FAM135B: variants seen among roughly 807,000 people sequenced by gnomAD.
FAM135B encodes the protein protein FAM135B.
FAM135B carries 43 observed loss-of-function variants against 127.7 expected under a neutral mutation model. The observed-to-expected ratio is 0.34, with a 90% CI of 0.26 to 0.43. The LOEUF is 0.43. Ranked by LOEUF, FAM135B falls within the 20% of genes least tolerant of loss-of-function variation. FAM135B has a pLI of 1.00. For synonymous variants in FAM135B, 670 were observed against 665.1 expected (o/e 1.01, Z -0.11); for missense variants, 1,558 against 1,725.6 (o/e 0.90, Z 1.72).
At chr8:138,485,849 C>T (rs1453870276) in intron 1 of FAM135B, among the ~76,000 whole-genome samples, 1 of 152,012 alleles carries the variant, frequency 6.6e-6, no homozygotes, top group Non-Finnish European at 1.5e-5. Context: ...AGCTAAGAGA[C>T]GAGGCCATGT....
rs529111849 is a variant in FAM135B at position 138,273,162 on chromosome 8, A to G, written c.158-7320T>C. 2.0e-5 allele frequency among the ~76,000 whole-genome samples: 3 copies of G among 152,352 alleles called. No individual in the cohort carries two copies. The South Asian group carries it at 6.2e-4, about 32-fold the overall frequency. ...CCAGCATAGAATTTTACCAGATATT[A>G]GTAGAAGTCTCAGTGGAAGTGAGGA... On this transcript the variant is annotated intron_variant, in intron 3 of 19. Transcript: ENST00000395297.
At chr8:138,154,416 C>T (rs973034630) in intron 12 of FAM135B, among the ~76,000 whole-genome samples, 1 of 152,126 alleles carries the variant, frequency 6.6e-6, no homozygotes, top group African/African-American at 2.4e-5. Flanking sequence ...TCACCAGCAA[C>T]AGAACAAAGT....
intron 1 of FAM135B, among the ~76,000 whole-genome samples, chr8:138,383,428 T>C (rs1831990185): frequency 6.6e-6 from 1 of 152,252 alleles, no homozygotes; most frequent in African/African-American, 2.4e-5. Flanking sequence ...AGGGAATAGA[T>C]GCATGATAGC....
chr8:138,487,491 C>A (rs1446999749), intron 1 of FAM135B, among the ~76,000 whole-genome samples: 1 of 152,068 alleles, frequency 6.6e-6, no homozygotes, highest in Non-Finnish European at 1.5e-5. Flanking sequence ...GGGTGCTGTA[C>A]TTACATCTGA....
At chr8:138,218,508 T>A (rs1818746039) in intron 7 of FAM135B, among the ~76,000 whole-genome samples, 1 of 152,154 alleles carries the variant, frequency 6.6e-6, no homozygotes, top group Admixed American at 6.5e-5. Context: ...TTAGAAAAGA[T>A]TCCTGGCGTC....
intron 1 of FAM135B, chr8:138,438,353 A>G (rs1208944150): frequency 1.3e-5 from 2 of 152,112 alleles, no homozygotes; most frequent in African/African-American, 2.4e-5. Flanking sequence ...AGCAAAAATA[A>G]TGTGGGGCAG....
chr8:138,204,448 T>C (rs1056984548), intron 7 of FAM135B, among the ~76,000 whole-genome samples: 12 of 152,294 alleles, frequency 7.9e-5, no homozygotes, highest in African/African-American at 2.2e-4. Context: ...AGGTTGTCTT[T>C]GAAACTGAAA....
chr8:138,432,193 T>C (rs547410451), intron 1 of FAM135B, among the ~76,000 whole-genome samples: 36 of 152,256 alleles, frequency 2.4e-4, no homozygotes, highest in African/African-American at 7.9e-4. Context: ...ATGAAAGTGA[T>C]TGTAGTCAGC....
At chr8:138,329,040 A>G (rs1335525122) in intron 2 of FAM135B, among the ~76,000 whole-genome samples, 1 of 152,244 alleles carries the variant, frequency 6.6e-6, no homozygotes, top group Admixed American at 6.5e-5. Context: ...CGGTTTATGC[A>G]TGGGCTACAA....
At chr8:138,313,705 G>A (rs1373836171) in intron 2 of FAM135B, among the ~76,000 whole-genome samples, 1 of 18,710 alleles carries the variant, frequency 5.3e-5, no homozygotes, top group Non-Finnish European at 3.4e-4. Context: ...ACACTTTTGT[G>A]CTATGAAAGA....
chr8:138,478,740 T>C (rs1290728820), intron 1 of FAM135B, among the ~76,000 whole-genome samples: 2 of 152,220 alleles, frequency 1.3e-5, no homozygotes, highest in African/African-American at 4.8e-5. Flanking sequence ...GCCTTGCCCT[T>C]GGGTGAGTGT....
At position 138,207,309 on chromosome 8, in the gene FAM135B, C is replaced by G. The variant is rs192785230; in HGVS notation, c.670-9640G>C. On this transcript the variant is annotated intron_variant, in intron 7 of 19. Coordinates refer to ENST00000395297, the MANE Select transcript of FAM135B (RefSeq NM_015912.4). ...TTCAGCCCACTGCAACCTCTGCCTC[C>G]TGGGTTCAAGTGTCCCAGCCTCCCA... Among the ~76,000 whole-genome samples, 844 of 151,362 alleles carry G rather than the reference C, an allele frequency of 5.6e-3. 4 individuals are homozygous for G. Among genetic ancestry groups the G allele is most frequent in the Middle Eastern group, 0.024 (7 of 294 alleles).
chr8:138,238,873 T>G (rs1380878156), intron 7 of FAM135B, among the ~76,000 whole-genome samples: 1 of 152,062 alleles, frequency 6.6e-6, no homozygotes, highest in East Asian at 1.9e-4. Flanking sequence ...AAATGGAAAA[T>G]GCACAGGAAA....
chr8:138,310,803 A>G, intron 3 of FAM135B, 38 bp downstream of exon 3: 1 of 1,593,122 alleles, frequency 6.3e-7, no homozygotes. Flanking sequence ...GAGGTTCGCC[A>G]TTGGGGGCAA....
intron 3 of FAM135B, among the ~76,000 whole-genome samples, chr8:138,275,016 T>C (rs1419585253): frequency 6.6e-6 from 1 of 152,114 alleles, no homozygotes; most frequent in East Asian, 1.9e-4. Flanking sequence ...GAGATTAAAG[T>C]AAAGACAGGC....
chr8:138,384,031 C>T (rs1832032225), intron 1 of FAM135B, among the ~76,000 whole-genome samples: 1 of 152,212 alleles, frequency 6.6e-6, no homozygotes, highest in African/African-American at 2.4e-5. Flanking sequence ...TCTTCATTGT[C>T]TATACAGCCA....
chr8:138,262,588 G>T (rs1822615309), intron 4 of FAM135B, among the ~76,000 whole-genome samples: 1 of 152,098 alleles, frequency 6.6e-6, no homozygotes. Flanking sequence ...GATTTACAAA[G>T]TGTGTGGAAG....
chr8:138,401,915 T>A (rs1563971095), intron 1 of FAM135B, among the ~76,000 whole-genome samples: 1 of 152,148 alleles, frequency 6.6e-6, no homozygotes, highest in African/African-American at 2.4e-5. Context: ...TTTTCCCAGG[T>A]AAGCTCTGCT....
chr8:138,152,082 G>A lies in FAM135B; in HGVS notation c.2393C>T (p.Pro798Leu), dbSNP rs984156798. ...TTGGCTCTTGCTGTGCATATCTGAA[G>A]GTTCAGCAAAACCTCCATCTTGCTG... ...TKQQDGGFAEPSDMHSKSQGS... is the reference protein window; with the variant it reads ...TKQQDGGFAELSDMHSKSQGS... The change falls in exon 13 of 20, where the codon CCT becomes CTT. Residue 798 changes from proline to leucine, a missense_variant. Coordinates refer to ENST00000395297, the MANE Select transcript of FAM135B (RefSeq NM_015912.4). 6.2e-7 allele frequency: 1 copy of A among 1,613,912 alleles called. No homozygotes were observed.
Sources: allele counts gnomAD v4.1 joint callset (sites outside exome capture counted in the v4.1 genomes callset), GRCh38; gene constraint gnomAD v4.1.1; transcripts MANE v1.5; gene names NCBI Gene and HGNC (gene_info 2026-07-23, HGNC 2026-07-21).